NAV2: variants seen among roughly 807,000 people sequenced by gnomAD.
NAV2 encodes neuron navigator 2.
In NAV2, 54 loss-of-function variants were observed where a neutral mutation model predicts 223.2. That is an observed-to-expected ratio of 0.24 (90% CI 0.19 to 0.30). NAV2 has a LOEUF of 0.30. NAV2 is among the 10% of genes least tolerant of loss of function. The probability of loss-of-function intolerance (pLI) is 1.00; values close to 1 mark genes in which losing one functional copy is unlikely to be tolerated. For synonymous variants in NAV2, 1,279 were observed against 1,239.3 expected, an observed-to-expected ratio of 1.03 and a Z score of -0.67; for missense variants, 2,806 against 3,147.5, an observed-to-expected ratio of 0.89 and a Z score of 2.60.
chr11:19,411,273 A>G (rs893232989), intron 1 of NAV2, among the ~76,000 whole-genome samples: 2 of 152,036 alleles, frequency 1.3e-5, no homozygotes, highest in African/African-American at 4.8e-5. Flanking sequence ...AGCTAATTTG[A>G]CCTCCTGAAG....
rs558649554 is a variant in NAV2 at position 19,606,546 on chromosome 11, A to G, written c.76-225938A>G. ...CAACTGCTTCAGCTAAACTCTGCCC[A>G]GTCCCAGCTCCTTGCCTTTCCTCTT... is the stretch of plus-strand genomic sequence containing the variant. On this transcript the variant is annotated intron_variant, in intron 1 of 37. Transcript: ENST00000360655. 1.3e-3 allele frequency among the ~76,000 whole-genome samples: 202 copies of G among 152,238 alleles called. 2 individuals are homozygous for G. The South Asian group carries it at 0.014, about 11-fold the overall frequency.
chr11:20,095,010 T>C (rs2034030), intron 29 of NAV2, among the ~76,000 whole-genome samples: 72,074 of 152,116 alleles, frequency 0.47, 20,675 homozygotes, highest in Non-Finnish European at 0.66. Flanking sequence ...AAAAAGATGT[T>C]TTGAGAGTAT....
chr11:20,005,875 G>C (rs2053024168), intron 11 of NAV2, among the ~76,000 whole-genome samples: 1 of 152,190 alleles, frequency 6.6e-6, no homozygotes, highest in African/African-American at 2.4e-5. Flanking sequence ...CATGTATGTA[G>C]CATACACTGT....
At chr11:19,677,124 G>A (rs1175797074) in intron 1 of NAV2, among the ~76,000 whole-genome samples, 1 of 152,348 alleles carries the variant, frequency 6.6e-6, no homozygotes, top group East Asian at 1.9e-4. Context: ...GCAAGCTGCA[G>A]TCGGGTCCAG....
chr11:19,622,747 G>A (rs1337735858), intron 1 of NAV2, among the ~76,000 whole-genome samples: 2 of 152,138 alleles, frequency 1.3e-5, no homozygotes, highest in African/African-American at 2.4e-5. Context: ...TTTAATTGGA[G>A]CATTTAGCCC....
At chr11:19,624,339 T>C (rs1222505130) in intron 1 of NAV2, among the ~76,000 whole-genome samples, 1 of 152,160 alleles carries the variant, frequency 6.6e-6, no homozygotes, top group African/African-American at 2.4e-5. Flanking sequence ...TGCTGCCTTT[T>C]TTTCAGCTAT....
At chr11:19,726,367 C>A (rs2051249892) in intron 1 of NAV2, among the ~76,000 whole-genome samples, 1 of 152,148 alleles carries the variant, frequency 6.6e-6, no homozygotes, top group Non-Finnish European at 1.5e-5. Flanking sequence ...GACTCTGGAA[C>A]CTTAGAACTA....
At chr11:19,525,275 C>T (rs978026474) in intron 1 of NAV2, among the ~76,000 whole-genome samples, 3 of 152,184 alleles carry the variant, frequency 2.0e-5, no homozygotes, top group African/African-American at 4.8e-5. Context: ...GCTGAAGCCA[C>T]GTGTTGGTCT....
chr11:19,944,414 TTCTTTTCTTC>T, intron 8 of NAV2, among the ~76,000 whole-genome samples: 1 of 152,254 alleles, frequency 6.6e-6, no homozygotes, highest in East Asian at 1.9e-4. Context: ...TTCTTTCCTT[TTCTTTTCTTC>T]TCTTTTCTTT....
chr11:19,946,018 G>A (rs1477557013), intron 8 of NAV2, among the ~76,000 whole-genome samples: 2 of 152,220 alleles, frequency 1.3e-5, no homozygotes, highest in Non-Finnish European at 2.9e-5. Context: ...ATCACCAATA[G>A]GTGAGAAAAC....
chr11:19,816,812 C>G (rs1422864216), intron 1 of NAV2, among the ~76,000 whole-genome samples: 1 of 152,126 alleles, frequency 6.6e-6, no homozygotes, highest in Non-Finnish European at 1.5e-5. Context: ...GTAAATATAC[C>G]TATAATATCT....
intron 4 of NAV2, among the ~76,000 whole-genome samples, chr11:19,873,808 C>T (rs1009213948): frequency 9.2e-5 from 14 of 152,180 alleles, no homozygotes; most frequent in African/African-American, 3.4e-4. Flanking sequence ...TCCCACTTCT[C>T]CTGTGGGTAG....
chr11:20,023,699 GGTGTGTGTGT>G (rs374769800), intron 11 of NAV2, among the ~76,000 whole-genome samples: 1 of 144,572 alleles, frequency 6.9e-6, no homozygotes. Context: ...CAAATTGCTG[GGTGTGTGTGT>G]GTGTGTGTGT....
intron 1 of NAV2, among the ~76,000 whole-genome samples, chr11:19,749,156 G>C (rs879612926): frequency 2.6e-5 from 4 of 152,206 alleles, no homozygotes; most frequent in Non-Finnish European, 4.4e-5. Context: ...TTCCCAGTTT[G>C]TTTTTTAATA....
chr11:19,969,477 A>G (rs146205565), intron 10 of NAV2, among the ~76,000 whole-genome samples: 2 of 152,352 alleles, frequency 1.3e-5, no homozygotes, highest in Admixed American at 6.5e-5. Flanking sequence ...TGCTTAATGC[A>G]TAAAATATAC....
rs139023539 is a variant in NAV2, at chr11:19,998,641, G to C, written c.2768+14394G>C. 3.8e-3 allele frequency among the ~76,000 whole-genome samples: 574 copies of C among 152,076 alleles called. 4 individuals carry two copies. The highest frequency in any genetic ancestry group is 0.013 in the African/African-American group (542 of 41,462). On this transcript the variant is annotated intron_variant, in intron 11 of 37. Coordinates refer to ENST00000349880, the MANE Select transcript of NAV2 (RefSeq NM_145117.5). The surrounding 1 kb of genome is among the most constrained non-coding windows in gnomAD (Gnocchi z 5.0). The stretch of plus-strand genomic sequence containing the variant: ...CCTGCCTTCATCCATTCCCCTGGAC[G>C]TGCCGGATCTTCTCTTTCGTCAGAA...
intron 1 of NAV2, among the ~76,000 whole-genome samples, chr11:19,376,022 A>G (rs992012952): frequency 2.0e-5 from 3 of 152,220 alleles, no homozygotes; most frequent in Non-Finnish European, 4.4e-5. Flanking sequence ...ATAGCCATGA[A>G]CTTTTTTCTT....
chr11:20,094,847 C>T (rs1037315659), intron 29 of NAV2, among the ~76,000 whole-genome samples: 2 of 152,182 alleles, frequency 1.3e-5, no homozygotes, highest in African/African-American at 2.4e-5. Context: ...TGACACCTCC[C>T]CCACCTCCAC....
chr11:19,659,272 A>G (rs1334141349), intron 1 of NAV2, among the ~76,000 whole-genome samples: 1 of 152,194 alleles, frequency 6.6e-6, no homozygotes, highest in Admixed American at 6.5e-5. Context: ...AACTTGGTGA[A>G]GACTGAGTGC....
Sources: gnomAD v4.1 joint callset for allele counts (sites outside exome capture counted in the v4.1 genomes callset) on GRCh38, gnomAD v4.1.1 for gene constraint, Gnocchi (gnomAD v3.1) non-coding constraint, MANE v1.5 for transcripts, NCBI Gene and HGNC (gene_info 2026-07-23, HGNC 2026-07-21) for gene names.